The following C17orf67 variants were observed in gnomAD, a reference collection of about 807,000 sequenced individuals.
The protein encoded by C17orf67 is chromosome 17 open reading frame 67.
C17orf67 carries 12 observed loss-of-function variants against 11.2 expected under a neutral mutation model. The observed-to-expected ratio is 1.07, with a 90% confidence interval of 0.68 to 1.73. The LOEUF (loss-of-function observed/expected upper bound fraction) is 1.73. Ranked by LOEUF, C17orf67 falls within the 40% of genes most tolerant of loss-of-function variation. The probability of loss-of-function intolerance (pLI) is 0.00; values close to 1 mark genes in which losing one functional copy is unlikely to be tolerated. For missense variants in C17orf67, 115 were observed against 113.5 expected (o/e 1.01, Z -0.06); for synonymous variants, 59 against 46.9 (o/e 1.26, Z -1.05).
At chr17:56,801,080 T>C (rs1288415271) in intron 6 of C17orf67, among the ~76,000 whole-genome samples, 3 of 152,228 alleles carry the variant, frequency 2.0e-5, no homozygotes, top group African/African-American at 4.8e-5. Flanking sequence ...TCTTTTATGT[T>C]CCCTCCAAAG....
In C17orf67 at chr17:56,816,018, A is replaced by T; in HGVS notation, c.-200-8T>A. 1 of 1,008,508 alleles carries T rather than the reference A, an allele frequency of 9.9e-7. No homozygotes were observed. The highest frequency in any genetic ancestry group is 1.4e-6 in the Non-Finnish European group (1 of 724,432). The allele number at this position is 1,008,508 out of a possible 1,614,324, so 62.5% of individuals were successfully genotyped here. A position where few individuals can be genotyped will look rare whatever the true frequency, so the allele number is the denominator to read the frequency against. ...TTCCTGTAAATTTTCATCCTGAGGA[A>T]GGAAATTGTTCCTCTGTAATATGAC... On this transcript the variant is annotated splice_polypyrimidine_tract_variant and splice_region_variant and intron_variant, in intron 4 of 7. Coordinates refer to ENST00000397861, the MANE Select transcript of C17orf67 (RefSeq NM_001085430.4).
At chr17:56,798,093 A>G (rs1905246245) in intron 6 of C17orf67, among the ~76,000 whole-genome samples, 1 of 152,106 alleles carries the variant, frequency 6.6e-6, no homozygotes, top group African/African-American at 2.4e-5. Flanking sequence ...TTGCTAGTTA[A>G]GCAAGAAGCT....
intron 6 of C17orf67, among the ~76,000 whole-genome samples, chr17:56,809,882 TCA>T (rs1259677059): frequency 7.5e-5 from 8 of 106,206 alleles, no homozygotes; most frequent in African/African-American, 1.5e-4. Context: ...CACACACCTC[TCA>T]CACACACCCC....
intron 5 of C17orf67, among the ~76,000 whole-genome samples, chr17:56,815,533 T>TAA: frequency 6.6e-6 from 1 of 152,166 alleles, no homozygotes; most frequent in Non-Finnish European, 1.5e-5. Context: ...TCAGCATTTT[T>TAA]GAGAATTAGT....
At chr17:56,804,510 C>T (rs758047116) in intron 6 of C17orf67, among the ~76,000 whole-genome samples, 5 of 152,182 alleles carry the variant, frequency 3.3e-5, no homozygotes, top group African/African-American at 4.8e-5. Flanking sequence ...ATTTACACCT[C>T]GGTCACTCCA....
At chr17:56,802,736 T>C (rs1479004754) in intron 6 of C17orf67, among the ~76,000 whole-genome samples, 1 of 152,222 alleles carries the variant, frequency 6.6e-6, no homozygotes, top group Non-Finnish European at 1.5e-5. Context: ...ATCAAGATTG[T>C]GAAGGAGAGC....
chr17:56,807,466 T>G (rs1905481190), intron 6 of C17orf67, among the ~76,000 whole-genome samples: 1 of 152,062 alleles, frequency 6.6e-6, no homozygotes, highest in African/African-American at 2.4e-5. Context: ...TTGGGAAGTA[T>G]GGAGAGGAGC....
At chr17:56,816,542 GA>G (rs1905765902) in intron 4 of C17orf67, among the ~76,000 whole-genome samples, 1 of 152,202 alleles carries the variant, frequency 6.6e-6, no homozygotes, top group South Asian at 2.1e-4. Flanking sequence ...AGAAAAGTGA[GA>G]TTCAAAGATG....
chr17:56,805,717 T>C (rs1905430222), intron 6 of C17orf67, among the ~76,000 whole-genome samples: 2 of 152,184 alleles, frequency 1.3e-5, no homozygotes, highest in African/African-American at 2.4e-5. Context: ...AAAAGTACTT[T>C]ATGCACAAAA....
chr17:56,827,084 T>C (rs557852178), intron 2 of C17orf67, among the ~76,000 whole-genome samples: 4 of 152,380 alleles, frequency 2.6e-5, no homozygotes, highest in African/African-American at 9.6e-5. Flanking sequence ...AATTTTTGAC[T>C]TGAACTGTCC....
chr17:56,816,857 G>C (rs1190630804), intron 4 of C17orf67, among the ~76,000 whole-genome samples: 1 of 152,148 alleles, frequency 6.6e-6, no homozygotes, highest in East Asian at 1.9e-4. Flanking sequence ...GGCTTGGTTT[G>C]GTTTGGTTTG....
intron 2 of C17orf67, among the ~76,000 whole-genome samples, chr17:56,828,137 G>C (rs967514681): frequency 6.7e-6 from 1 of 149,266 alleles, no homozygotes; most frequent in Non-Finnish European, 1.5e-5. Context: ...CAGGCACGGC[G>C]GCTCACGCTT....
intron 4 of C17orf67, among the ~76,000 whole-genome samples, chr17:56,817,040 G>C (rs534271161): frequency 6.6e-6 from 1 of 152,020 alleles, no homozygotes; most frequent in Non-Finnish European, 1.5e-5. Context: ...TTATTTTGTA[G>C]AGACAGGGTC....
In C17orf67 at chr17:56,802,139, G is replaced by A. The variant is rs1905337634; in HGVS notation, c.157-6959C>T. 3.3e-5 allele frequency among the ~76,000 whole-genome samples: 5 copies of A among 152,182 alleles called. No homozygotes were observed. In the South Asian group the frequency reaches 1.0e-3, roughly 31 times the overall value. ...TAAGTAGCCTGCATTTGTCCCTCCA[G>A]ATCCTGTCTGTCTCCCTTTTCGCCT... On this transcript the variant is annotated intron_variant, in intron 6 of 7. Coordinates refer to ENST00000397861, the MANE Select transcript of C17orf67 (RefSeq NM_001085430.4).
At chr17:56,818,485 A>G (rs1393467358) in intron 4 of C17orf67, among the ~76,000 whole-genome samples, 1 of 152,164 alleles carries the variant, frequency 6.6e-6, no homozygotes, top group African/African-American at 2.4e-5. Context: ...TGATTATGCC[A>G]CTACACTCAA....
intron 6 of C17orf67, among the ~76,000 whole-genome samples, chr17:56,809,613 G>A (rs1253124320): frequency 7.7e-5 from 5 of 64,690 alleles, no homozygotes; most frequent in African/African-American, 1.3e-4. Context: ...CAACCCTCAC[G>A]CGCACACACA....
At chr17:56,809,612 C>T (rs569202184) in intron 6 of C17orf67, among the ~76,000 whole-genome samples, 6 of 140,338 alleles carry the variant, frequency 4.3e-5, no homozygotes, top group East Asian at 4.4e-4. Flanking sequence ...ACAACCCTCA[C>T]GCGCACACAC....
At chr17:56,816,594 A>G (rs1233968692) in intron 4 of C17orf67, among the ~76,000 whole-genome samples, 1 of 152,222 alleles carries the variant, frequency 6.6e-6, no homozygotes, top group African/African-American at 2.4e-5. Context: ...ATGCCAAGGT[A>G]GAGCCTACGT....
intron 2 of C17orf67, among the ~76,000 whole-genome samples, chr17:56,829,639 C>G (rs1408072072): frequency 6.6e-6 from 1 of 152,196 alleles, no homozygotes; most frequent in Non-Finnish European, 1.5e-5. Flanking sequence ...TAGGGGAGCC[C>G]CTTTTTGTGT....
Sources: allele counts gnomAD v4.1 joint callset (sites outside exome capture counted in the v4.1 genomes callset), GRCh38; gene constraint gnomAD v4.1.1; transcripts MANE v1.5; gene names NCBI Gene and HGNC (gene_info 2026-07-23, HGNC 2026-07-21).